Variants in SLC24A3 observed in about 807,000 individuals in gnomAD.
SLC24A3 encodes sodium/potassium/calcium exchanger 3.
In SLC24A3, 28 loss-of-function variants were observed where a neutral mutation model predicts 75.8. The observed-to-expected ratio is 0.37, with a 90% CI of 0.27 to 0.51. SLC24A3 has a LOEUF of 0.51. SLC24A3 is among the 20% of genes least tolerant of loss of function. The pLI, the probability that SLC24A3 is intolerant of heterozygous loss-of-function variation, is 0.94. For missense variants in SLC24A3, 663 were observed against 847.8 expected, an observed-to-expected ratio of 0.78 and a Z score of 2.71; for synonymous variants, 372 against 334.1, an observed-to-expected ratio of 1.11 and a Z score of -1.24.
At chr20:19,398,503 G>A (rs951585699) in intron 2 of SLC24A3, among the ~76,000 whole-genome samples, 23 of 152,104 alleles carry the variant, frequency 1.5e-4, no homozygotes, top group Admixed American at 8.5e-4. Context: ...ATTTAAAAAT[G>A]TGATAGATTT....
intron 2 of SLC24A3, among the ~76,000 whole-genome samples, chr20:19,337,091 G>A (rs1429983906): frequency 6.6e-6 from 1 of 152,148 alleles, no homozygotes; most frequent in African/African-American, 2.4e-5. Context: ...TAATGTTGCT[G>A]TGAAGATTAA....
At chr20:19,693,201 A>G in intron 12 of SLC24A3, 58 bp from the exon 13 acceptor site, 1 of 1,548,054 alleles carries the variant, frequency 6.5e-7, no homozygotes, top group South Asian at 1.2e-5. Context: ...AAATAAAGCT[A>G]ACTGGGGTTC....
chr20:19,300,476 T>C (rs1185056099), intron 2 of SLC24A3, among the ~76,000 whole-genome samples: 1 of 152,182 alleles, frequency 6.6e-6, no homozygotes, highest in Non-Finnish European at 1.5e-5. Flanking sequence ...GAGTGAGAAC[T>C]ACCTAACTGA....
At chr20:19,292,748 TAAAAC>T (rs754360205) in intron 2 of SLC24A3, among the ~76,000 whole-genome samples, 13 of 152,218 alleles carry the variant, frequency 8.5e-5, no homozygotes, top group Non-Finnish European at 1.8e-4. Context: ...CTCAGGCTGC[TAAAAC>T]AAAATGCCAT....
intron 2 of SLC24A3, among the ~76,000 whole-genome samples, chr20:19,296,008 G>T (rs938860960): frequency 6.6e-6 from 1 of 152,034 alleles, no homozygotes; most frequent in Non-Finnish European, 1.5e-5. Context: ...TGGTTGGTAG[G>T]CTATTTATTA....
intron 15 of SLC24A3, among the ~76,000 whole-genome samples, chr20:19,715,089 T>C (rs2033030558): frequency 6.6e-6 from 1 of 152,144 alleles, no homozygotes; most frequent in Non-Finnish European, 1.5e-5. Flanking sequence ...TACCCAAGGG[T>C]GACTGAGGAT....
At chr20:19,349,852 T>A (rs114632333) in intron 2 of SLC24A3, among the ~76,000 whole-genome samples, 2,507 of 152,284 alleles carry the variant, frequency 0.016, 67 homozygotes, top group African/African-American at 0.058. Context: ...GCTGCTTTGG[T>A]TTTTATCATC....
At chr20:19,514,249 T>G (rs2029939388) in intron 2 of SLC24A3, among the ~76,000 whole-genome samples, 2 of 152,196 alleles carry the variant, frequency 1.3e-5, no homozygotes, top group South Asian at 4.1e-4. Context: ...AGCACTGTCT[T>G]TGTCTCTTCT....
intron 1 of SLC24A3, among the ~76,000 whole-genome samples, chr20:19,269,502 A>G (rs1021911913): frequency 1.3e-5 from 2 of 152,216 alleles, no homozygotes; most frequent in African/African-American, 2.4e-5. Context: ...GGCGATTTCA[A>G]TTTCTAGGCC....
At chr20:19,500,917 G>A (rs968608450) in intron 2 of SLC24A3, among the ~76,000 whole-genome samples, 1 of 152,152 alleles carries the variant, frequency 6.6e-6, no homozygotes, top group African/African-American at 2.4e-5. Context: ...TTTGCATGAG[G>A]CCTCTGTGAC....
At chr20:19,632,268 G>C (rs1205648057) in intron 6 of SLC24A3, among the ~76,000 whole-genome samples, 1 of 152,200 alleles carries the variant, frequency 6.6e-6, no homozygotes, top group African/African-American at 2.4e-5. Context: ...CATGAACTTA[G>C]TGGCTTAAAA....
At chr20:19,559,657 A>G (rs557650172) in intron 3 of SLC24A3, among the ~76,000 whole-genome samples, 4 of 152,222 alleles carry the variant, frequency 2.6e-5, no homozygotes, top group Non-Finnish European at 5.9e-5. Context: ...TAGTTTCTCT[A>G]CCTATTCCCT....
intron 2 of SLC24A3, among the ~76,000 whole-genome samples, chr20:19,382,954 A>C (rs1986207278): frequency 6.6e-6 from 1 of 152,160 alleles, no homozygotes; most frequent in Non-Finnish European, 1.5e-5. Flanking sequence ...AGCTGCCAAA[A>C]CGTATTTTCC....
chr20:19,604,058 G>T (rs931855603), intron 6 of SLC24A3, among the ~76,000 whole-genome samples: 2 of 152,228 alleles, frequency 1.3e-5, no homozygotes, highest in Admixed American at 1.3e-4. Context: ...TATCTTCTGA[G>T]TGACAATTCT....
At chr20:19,574,749 G>A (rs1480057498) in intron 3 of SLC24A3, among the ~76,000 whole-genome samples, 1 of 152,212 alleles carries the variant, frequency 6.6e-6, no homozygotes, top group East Asian at 1.9e-4. Flanking sequence ...AGCCTTGTAA[G>A]CACTAGGGAG....
intron 1 of SLC24A3, among the ~76,000 whole-genome samples, chr20:19,245,240 T>G (rs545490961): frequency 2.8e-4 from 42 of 152,170 alleles, no homozygotes; most frequent in Middle Eastern, 3.4e-3. Context: ...TGCCAAGAAA[T>G]TAACATATTA....
intron 8 of SLC24A3, among the ~76,000 whole-genome samples, chr20:19,673,247 G>T (rs1213243483): frequency 6.6e-6 from 1 of 152,092 alleles, no homozygotes; most frequent in South Asian, 2.1e-4. Flanking sequence ...GTTTCCCCTT[G>T]TAAATATGTC....
chr20:19,479,655 T>C (rs1318231567), intron 2 of SLC24A3, among the ~76,000 whole-genome samples: 9 of 152,200 alleles, frequency 5.9e-5, no homozygotes, highest in Non-Finnish European at 7.4e-5. Flanking sequence ...CAACCAAAGC[T>C]TTCTCCAGCT....
chr20:19,343,088 A>AAAG (rs1985311691), intron 2 of SLC24A3, among the ~76,000 whole-genome samples: 2 of 147,184 alleles, frequency 1.4e-5, no homozygotes, highest in African/African-American at 5.3e-5. Flanking sequence ...AAAAAAAGAA[A>AAAG]AAAGAAAAAG....
Sources: gnomAD v4.1 joint callset for allele counts (sites outside exome capture counted in the v4.1 genomes callset) on GRCh38, gnomAD v4.1.1 for gene constraint, MANE v1.5 for transcripts, NCBI Gene and HGNC (gene_info 2026-07-23, HGNC 2026-07-21) for gene names.